The following ODAD2 variants were observed in gnomAD, a reference collection of about 807,000 sequenced individuals.
ODAD2 encodes the protein outer dynein arm-docking complex subunit 2.
A neutral mutation model predicts 106.8 loss-of-function variants in ODAD2; 89 were observed. The ratio of observed to expected loss-of-function variants is 0.83; its 90% CI spans 0.70 to 0.99. The LOEUF (loss-of-function observed/expected upper bound fraction) is 0.99. Ranked by LOEUF, ODAD2 falls within the 50% of genes least tolerant of loss-of-function variation. ODAD2 has a pLI of 0.00. For synonymous variants in ODAD2, 404 were observed against 436.2 expected, an observed-to-expected ratio of 0.93 and a Z score of 0.92; for missense variants, 1,168 against 1,238.5, an observed-to-expected ratio of 0.94 and a Z score of 0.85.
At chr10:27,991,001 G>C (rs1466009691) in intron 2 of ODAD2, among the ~76,000 whole-genome samples, 2 of 152,162 alleles carry the variant, frequency 1.3e-5, no homozygotes, top group East Asian at 1.9e-4. Flanking sequence ...ATGTGATTCT[G>C]AGCGCTTATC....
chr10:27,887,528 T>C (rs1224274491), intron 17 of ODAD2, among the ~76,000 whole-genome samples: 1 of 152,020 alleles, frequency 6.6e-6, no homozygotes, highest in Non-Finnish European at 1.5e-5. Context: ...AGAATACTCA[T>C]TTTTCTCAAG....
chr10:27,853,898 A>C (rs1471094918), intron 19 of ODAD2, among the ~76,000 whole-genome samples: 1 of 152,168 alleles, frequency 6.6e-6, no homozygotes, highest in Admixed American at 6.5e-5. Flanking sequence ...AATAAATTGG[A>C]CTTCACCAGC....
chr10:27,933,914 G>A (rs753858595), intron 16 of ODAD2, among the ~76,000 whole-genome samples: 44 of 152,166 alleles, frequency 2.9e-4, no homozygotes, highest in Admixed American at 1.4e-3. Context: ...GTGGTTAGAC[G>A]AAGCCCCCTG....
Position 27,887,520 on chromosome 10 carries a change from A to G in ODAD2, c.2610+20143T>C, listed in dbSNP as rs114901771. 2.7e-3 allele frequency among the ~76,000 whole-genome samples: 412 copies of G among 152,168 alleles called. 1 individual carries two copies. The highest frequency in any genetic ancestry group is 9.4e-3 in the African/African-American group (389 of 41,570). ...AAAACACCCCACCTAACAACAGCAG[A>G]ATACTCATTTTTCTCAAGTGTACAA... On this transcript the variant is annotated intron_variant, in intron 17 of 19. Coordinates refer to ENST00000305242, the MANE Select transcript of ODAD2 (RefSeq NM_018076.5).
intron 17 of ODAD2, among the ~76,000 whole-genome samples, chr10:27,891,460 A>G (rs1026497437): frequency 6.6e-6 from 1 of 152,134 alleles, no homozygotes; most frequent in Non-Finnish European, 1.5e-5. Flanking sequence ...TACAAGGCCA[A>G]ATGATCTCAT....
intron 6 of ODAD2, among the ~76,000 whole-genome samples, chr10:27,982,541 A>G (rs1041246226): frequency 4.3e-4 from 66 of 152,270 alleles, no homozygotes; most frequent in African/African-American, 1.5e-3. Flanking sequence ...TTATTTGTCT[A>G]CTGCCTCTTT....
At chr10:27,840,470 T>C (rs1473814619) in intron 19 of ODAD2, among the ~76,000 whole-genome samples, 3 of 152,228 alleles carry the variant, frequency 2.0e-5, no homozygotes, top group African/African-American at 4.8e-5. Context: ...TGGCAAGTCT[T>C]GGAAGCCATC....
chr10:27,885,307 C>T (rs1462140912), intron 17 of ODAD2, among the ~76,000 whole-genome samples: 3 of 149,068 alleles, frequency 2.0e-5, no homozygotes, highest in South Asian at 2.1e-4. Context: ...ATCAAGAGAT[C>T]GAAACCATCC....
chr10:27,930,293 T>C (rs1465067976), intron 16 of ODAD2, among the ~76,000 whole-genome samples: 2 of 152,140 alleles, frequency 1.3e-5, no homozygotes, highest in African/African-American at 2.4e-5. Context: ...CCTATAATCC[T>C]AAGCACTTTG....
intron 2 of ODAD2, among the ~76,000 whole-genome samples, chr10:27,989,437 G>C (rs1224865695): frequency 6.6e-6 from 1 of 152,160 alleles, no homozygotes; most frequent in Non-Finnish European, 1.5e-5. Context: ...TTAAGCTTCT[G>C]GAATAATGCC....
intron 9 of ODAD2, 138 bp from the exon 10 acceptor site, chr10:27,961,853 C>T: frequency 1.5e-6 from 1 of 661,254 alleles, no homozygotes; most frequent in Middle Eastern, 3.7e-4. Flanking sequence ...TTACTTAAGG[C>T]CAAGAGTTCA....
At chr10:27,902,046 A>G (rs1052904909) in intron 17 of ODAD2, among the ~76,000 whole-genome samples, 1 of 152,200 alleles carries the variant, frequency 6.6e-6, no homozygotes, top group African/African-American at 2.4e-5. Flanking sequence ...AATTGACCAC[A>G]GAATTGGAAG....
At chr10:27,885,637 T>TAAC (rs1842078325) in intron 17 of ODAD2, among the ~76,000 whole-genome samples, 1 of 65,536 alleles carries the variant, frequency 1.5e-5, no homozygotes, top group Non-Finnish European at 2.6e-5. Context: ...ATAAAATATA[T>TAAC]ATTATATATA....
intron 19 of ODAD2, among the ~76,000 whole-genome samples, chr10:27,827,631 C>A (rs1837172598): frequency 6.6e-6 from 1 of 151,952 alleles, no homozygotes; most frequent in South Asian, 2.1e-4. Flanking sequence ...TTGAATCCAC[C>A]CATTTCTCTT....
At chr10:27,986,070 T>C (rs1430156452) in intron 3 of ODAD2, among the ~76,000 whole-genome samples, 22 of 152,136 alleles carry the variant, frequency 1.4e-4, no homozygotes, top group Non-Finnish European at 1.5e-5. Context: ...AAGAAAAGTA[T>C]AGTGAAGGCA....
intron 9 of ODAD2, among the ~76,000 whole-genome samples, chr10:27,965,970 C>T (rs1160715894): frequency 6.6e-6 from 1 of 152,214 alleles, no homozygotes; most frequent in East Asian, 1.9e-4. Flanking sequence ...TCTCTCCCTC[C>T]TCTGCTCTCT....
intron 19 of ODAD2, among the ~76,000 whole-genome samples, chr10:27,846,133 C>G (rs1838730690): frequency 2.0e-5 from 3 of 152,332 alleles, no homozygotes; most frequent in Admixed American, 2.0e-4. Flanking sequence ...CTTCTCAGCA[C>G]CACATCGTAC....
chr10:27,882,173 AAAAGAAAGAAAGAAAGAAAGAAAG>A (rs377482668), intron 17 of ODAD2, among the ~76,000 whole-genome samples: 16 of 109,746 alleles, frequency 1.5e-4, no homozygotes, highest in African/African-American at 4.9e-4. Flanking sequence ...GTCATAAAAA[AAAAGAAAGAAAGAAAGAAAGAAAG>A]AAAGAAAGAA....
chr10:27,927,913 TAA>T (rs1447305480), intron 16 of ODAD2, among the ~76,000 whole-genome samples: 2 of 152,106 alleles, frequency 1.3e-5, no homozygotes, highest in East Asian at 3.9e-4. Context: ...ATCCATGACA[TAA>T]GTTACCAAAT....
Sources: gnomAD v4.1 joint callset for allele counts (sites outside exome capture counted in the v4.1 genomes callset) on GRCh38, gnomAD v4.1.1 for gene constraint, MANE v1.5 for transcripts, NCBI Gene and HGNC (gene_info 2026-07-23, HGNC 2026-07-21) for gene names.